The following GRIA4 variants were observed in gnomAD, a reference collection of about 807,000 sequenced individuals.
GRIA4 encodes the protein glutamate receptor 4.
GRIA4 carries 34 observed loss-of-function variants against 104.0 expected under a neutral mutation model. That is an observed-to-expected ratio of 0.33 (90% CI 0.25 to 0.44). The LOEUF (loss-of-function observed/expected upper bound fraction) is 0.44, where lower values mean the gene tolerates loss of function less well. GRIA4 is among the 20% of genes least tolerant of loss of function. GRIA4 has a pLI of 1.00. For synonymous variants in GRIA4, 386 were observed against 381.9 expected (o/e 1.01, Z -0.13); for missense variants, 750 against 1,096.5 (o/e 0.68, Z 4.46).
intron 3 of GRIA4, among the ~76,000 whole-genome samples, chr11:105,699,127 C>T (rs1953393220): frequency 6.6e-6 from 1 of 152,150 alleles, no homozygotes; most frequent in African/African-American, 2.4e-5. Context: ...TCATGAATAT[C>T]ATGTAAATGC....
chr11:105,825,747 G>C (rs1421922639), intron 4 of GRIA4, among the ~76,000 whole-genome samples: 1 of 151,982 alleles, frequency 6.6e-6, no homozygotes, highest in African/African-American at 2.4e-5. Context: ...TCAAGGGGTC[G>C]TTAGGTTTGT....
chr11:105,765,105 G>T (rs1488217213), intron 4 of GRIA4, among the ~76,000 whole-genome samples: 1 of 152,098 alleles, frequency 6.6e-6, no homozygotes, highest in Middle Eastern at 3.2e-3. Context: ...TCTAAGATTT[G>T]CCCTCAGAAG....
At chr11:105,725,640 C>G (rs1263446495) in intron 3 of GRIA4, among the ~76,000 whole-genome samples, 1 of 152,030 alleles carries the variant, frequency 6.6e-6, no homozygotes, top group East Asian at 1.9e-4. Flanking sequence ...GTCTGCAGCT[C>G]CCAGTGAGAC....
intron 3 of GRIA4, among the ~76,000 whole-genome samples, chr11:105,643,356 A>G (rs978639722): frequency 1.3e-5 from 2 of 152,212 alleles, no homozygotes; most frequent in Non-Finnish European, 2.9e-5. Context: ...AGAAGATCCT[A>G]TAGGATTCCT....
chr11:105,612,594 G>T, intron 3 of GRIA4, 160 bp downstream of exon 3: 7 of 495,724 alleles, frequency 1.4e-5, no homozygotes, highest in South Asian at 1.1e-4. Context: ...CTTCGTTTCA[G>T]GGATATTTAG....
chr11:105,959,077 G>A (rs1360350863), intron 14 of GRIA4, among the ~76,000 whole-genome samples: 2 of 152,136 alleles, frequency 1.3e-5, no homozygotes, highest in African/African-American at 4.8e-5. Context: ...AGAATCTGAT[G>A]ATTATGTGTC....
At chr11:105,805,869 TA>T (rs953127227) in intron 4 of GRIA4, among the ~76,000 whole-genome samples, 12 of 151,968 alleles carry the variant, frequency 7.9e-5, no homozygotes, top group African/African-American at 2.6e-4. Flanking sequence ...TAGTAACCCA[TA>T]AATGTGGCCT....
intron 4 of GRIA4, among the ~76,000 whole-genome samples, chr11:105,833,030 T>C (rs1385696595): frequency 1.3e-5 from 2 of 152,020 alleles, no homozygotes; most frequent in Admixed American, 6.6e-5. Flanking sequence ...TTATAATTTA[T>C]CATTACTGTT....
chr11:105,827,406 A>C (rs637648), intron 4 of GRIA4, among the ~76,000 whole-genome samples: 18,836 of 152,092 alleles, frequency 0.12, 1,285 homozygotes, highest in Admixed American at 0.22. Context: ...AAGAAAAAAA[A>C]CAGTAAATTG....
At chr11:105,623,287 G>C (rs1950802158) in intron 3 of GRIA4, among the ~76,000 whole-genome samples, 1 of 151,794 alleles carries the variant, frequency 6.6e-6, no homozygotes, top group African/African-American at 2.4e-5. Flanking sequence ...ACTGAAAGTT[G>C]TGCTAATTTG....
intron 4 of GRIA4, among the ~76,000 whole-genome samples, chr11:105,857,813 A>G (rs1945064542): frequency 6.6e-6 from 1 of 152,128 alleles, no homozygotes; most frequent in Admixed American, 6.6e-5. Context: ...TTTTCTAAAT[A>G]CTTTCTTCCC....
At chr11:105,790,308 G>T (rs1942159825) in intron 4 of GRIA4, among the ~76,000 whole-genome samples, 1 of 152,196 alleles carries the variant, frequency 6.6e-6, no homozygotes, top group South Asian at 2.1e-4. Flanking sequence ...ACATTGCTGT[G>T]TGTCACGCTT....
At chr11:105,674,535 T>G (rs996623799) in intron 3 of GRIA4, among the ~76,000 whole-genome samples, 1 of 151,804 alleles carries the variant, frequency 6.6e-6, no homozygotes, top group Non-Finnish European at 1.5e-5. Context: ...TATAATGCAG[T>G]CACTGAAAAA....
chr11:105,880,297 C>T (rs1373416517), intron 5 of GRIA4, among the ~76,000 whole-genome samples: 1 of 152,136 alleles, frequency 6.6e-6, no homozygotes, highest in African/African-American at 2.4e-5. Flanking sequence ...TTATCCAAGG[C>T]TTGTAGATGT....
chr11:105,973,146 C>T (rs1221083655), intron 15 of GRIA4, among the ~76,000 whole-genome samples: 1 of 151,886 alleles, frequency 6.6e-6, no homozygotes, highest in Admixed American at 6.6e-5. Flanking sequence ...ATGAAGTTAC[C>T]CTAAAATGTT....
At chr11:105,623,151 C>T (rs369554885) in intron 3 of GRIA4, among the ~76,000 whole-genome samples, 2 of 148,286 alleles carry the variant, frequency 1.3e-5, no homozygotes, top group South Asian at 2.1e-4. Context: ...AATGATGTTG[C>T]TGTTGTGAAT....
chr11:105,794,509 A>AT (rs1942391213), intron 4 of GRIA4, among the ~76,000 whole-genome samples: 1 of 125,290 alleles, frequency 8.0e-6, no homozygotes, highest in Admixed American at 7.9e-5. Context: ...ATATATATAT[A>AT]TATACATATA....
intron 4 of GRIA4, among the ~76,000 whole-genome samples, chr11:105,768,212 G>A (rs1428873260): frequency 2.6e-5 from 4 of 152,040 alleles, no homozygotes; most frequent in African/African-American, 9.7e-5. Flanking sequence ...GCCCCAGGAG[G>A]TAATGCCAAG....
At chr11:105,813,029 G>GCTT (rs1943239258) in intron 4 of GRIA4, among the ~76,000 whole-genome samples, 1 of 142,772 alleles carries the variant, frequency 7.0e-6, no homozygotes, top group South Asian at 2.2e-4. Context: ...GGGAGGCGGA[G>GCTT]CTTGCAGTGA....
Sources: allele counts gnomAD v4.1 joint callset (sites outside exome capture counted in the v4.1 genomes callset), GRCh38; gene constraint gnomAD v4.1.1; transcripts MANE v1.5; gene names NCBI Gene and HGNC (gene_info 2026-07-23, HGNC 2026-07-21).